Variants in WWOX observed in about 807,000 individuals in gnomAD.
WWOX encodes WW domain-containing oxidoreductase.
A neutral mutation model predicts 46.2 loss-of-function variants in WWOX; 69 were observed. That is an observed-to-expected ratio of 1.49 (90% CI 1.23 to 1.82). WWOX has a LOEUF of 1.82. WWOX is among the 40% of genes most tolerant of loss of function. The probability of loss-of-function intolerance (pLI) is 0.00; values close to 1 mark genes in which losing one functional copy is unlikely to be tolerated. For missense variants in WWOX, 919 were observed against 542.6 expected (o/e 1.69, Z -6.89); for synonymous variants, 359 against 202.6 (o/e 1.77, Z -6.56).
intron 8 of WWOX, among the ~76,000 whole-genome samples, chr16:79,123,701 C>T (rs1260576864): frequency 6.6e-6 from 1 of 152,120 alleles, no homozygotes; most frequent in East Asian, 1.9e-4. Context: ...CTTTACCTGT[C>T]AGCTGTAGGA....
At chr16:78,845,619 T>C (rs1457744338) in intron 8 of WWOX, among the ~76,000 whole-genome samples, 3 of 152,222 alleles carry the variant, frequency 2.0e-5, no homozygotes, top group Non-Finnish European at 2.9e-5. Flanking sequence ...CCATAATTTA[T>C]AGTCAGCCTC....
intron 8 of WWOX, among the ~76,000 whole-genome samples, chr16:79,190,091 C>G (rs1023819249): frequency 6.6e-6 from 1 of 151,594 alleles, no homozygotes; most frequent in East Asian, 1.9e-4. Flanking sequence ...GCGGTGTGAT[C>G]TCGGCTCACT....
intron 8 of WWOX, among the ~76,000 whole-genome samples, chr16:78,753,135 T>G (rs1389777804): frequency 6.6e-6 from 1 of 151,722 alleles, no homozygotes; most frequent in African/African-American, 2.4e-5. Context: ...TCTCTACTAA[T>G]AATACAAAAA....
chr16:78,409,116 A>T (rs912940427), intron 6 of WWOX, among the ~76,000 whole-genome samples: 1 of 151,680 alleles, frequency 6.6e-6, no homozygotes, highest in African/African-American at 2.4e-5. Context: ...GGTGTAGATT[A>T]TTCACAGATG....
In WWOX at chr16:79,211,982, G is replaced by A. The variant is rs1372789613; in HGVS notation, c.*186G>A. The A allele has an allele frequency of 4.6e-6, 7 of 1,536,056 alleles. No homozygotes were observed. The Admixed American group carries it at 7.8e-5, about 17-fold the overall frequency. ...GGAAGCAGGGAATTCCTGGGGTAAA[G>A]TATCACTTTTCTGGGGCTGGGCTAG... On this transcript the variant is annotated 3_prime_UTR_variant, in exon 9 of 9. Coordinates refer to ENST00000566780, the MANE Select transcript of WWOX (RefSeq NM_016373.4).
chr16:79,111,082 C>G (rs981399587), intron 8 of WWOX, among the ~76,000 whole-genome samples: 2 of 152,158 alleles, frequency 1.3e-5, no homozygotes, highest in Admixed American at 6.5e-5. Context: ...CAGAGAGTCA[C>G]AGATGCTTTC....
intron 8 of WWOX, among the ~76,000 whole-genome samples, chr16:79,001,489 A>G (rs1368605525): frequency 3.9e-5 from 6 of 152,190 alleles, no homozygotes; most frequent in African/African-American, 1.4e-4. Flanking sequence ...AGGCAATTAT[A>G]TAGTGTGTAA....
chr16:78,597,119 C>G lies in WWOX; in HGVS notation c.1056+164367C>G, dbSNP rs569062456. ...GCTAGTATCTTTGTGAAAACTGCTCCTGACCTATTGCTTTGTTTATTTTAG... is the reference window on the plus strand; with the variant it reads ...GCTAGTATCTTTGTGAAAACTGCTCGTGACCTATTGCTTTGTTTATTTTAG... On this transcript the variant is annotated intron_variant, in intron 8 of 8. Coordinates refer to ENST00000566780, the MANE Select transcript of WWOX (RefSeq NM_016373.4). Among the ~76,000 whole-genome samples the G allele has an allele frequency of 1.1e-4, 16 of 152,302 alleles. No homozygotes were observed. In the South Asian group the frequency reaches 2.1e-3, roughly 20 times the overall value.
intron 8 of WWOX, among the ~76,000 whole-genome samples, chr16:79,125,822 A>T (rs1270479737): frequency 6.6e-6 from 1 of 152,216 alleles, no homozygotes; most frequent in Admixed American, 6.5e-5. Flanking sequence ...GCTTTGAGCA[A>T]ACAATTAGCA....
At chr16:78,848,206 A>G (rs899582084) in intron 8 of WWOX, among the ~76,000 whole-genome samples, 1 of 152,216 alleles carries the variant, frequency 6.6e-6, no homozygotes, top group African/African-American at 2.4e-5. Flanking sequence ...CCAATGAATT[A>G]GAGTTGACAT....
chr16:78,581,627 T>C (rs2045056531), intron 8 of WWOX, among the ~76,000 whole-genome samples: 1 of 152,170 alleles, frequency 6.6e-6, no homozygotes, highest in Admixed American at 6.5e-5. Flanking sequence ...TCAAAGTCTC[T>C]TTCCCGTGGG....
intron 8 of WWOX, among the ~76,000 whole-genome samples, chr16:78,745,306 C>G (rs759950702): frequency 6.6e-6 from 1 of 152,166 alleles, no homozygotes; most frequent in Admixed American, 6.5e-5. Flanking sequence ...CCCCGCCTTC[C>G]TCCACCTCTG....
At chr16:78,404,794 A>G (rs183203503) in intron 6 of WWOX, among the ~76,000 whole-genome samples, 15 of 152,250 alleles carry the variant, frequency 9.9e-5, no homozygotes, top group African/African-American at 3.4e-4. Context: ...CTTAAAGTTG[A>G]TTGTCCATTT....
At chr16:78,534,099 C>G (rs908815767) in intron 8 of WWOX, among the ~76,000 whole-genome samples, 1 of 152,068 alleles carries the variant, frequency 6.6e-6, no homozygotes, top group Non-Finnish European at 1.5e-5. Flanking sequence ...ATCATTGAAT[C>G]CCTGAGTTAT....
At chr16:78,307,649 T>C (rs1284230430) in intron 5 of WWOX, among the ~76,000 whole-genome samples, 1 of 152,154 alleles carries the variant, frequency 6.6e-6, no homozygotes, top group Non-Finnish European at 1.5e-5. Context: ...GATAAGAGAA[T>C]AAATGTGTTG....
chr16:78,101,346 C>CGTTTTTTTTTTTTT (rs2031769164), intron 1 of WWOX, among the ~76,000 whole-genome samples: 1 of 66,822 alleles, frequency 1.5e-5, no homozygotes, highest in Non-Finnish European at 3.0e-5. Context: ...CGCTCCCGGC[C>CGTTTTTTTTTTTTT]TTTTTTTTTT....
chr16:78,874,657 C>T (rs1164735059), intron 8 of WWOX, among the ~76,000 whole-genome samples: 1 of 146,316 alleles, frequency 6.8e-6, no homozygotes, highest in African/African-American at 2.5e-5. Context: ...ACACCTTCAA[C>T]TGTGTCTGTG....
At chr16:78,666,659 C>G (rs868270726) in intron 8 of WWOX, among the ~76,000 whole-genome samples, 4 of 152,144 alleles carry the variant, frequency 2.6e-5, no homozygotes, top group Non-Finnish European at 5.9e-5. Context: ...GCAAGGTCAT[C>G]TTGGGAAGGG....
At chr16:78,287,172 A>G (rs1359179694) in intron 5 of WWOX, among the ~76,000 whole-genome samples, 1 of 152,280 alleles carries the variant, frequency 6.6e-6, no homozygotes, top group African/African-American at 2.4e-5. Flanking sequence ...ACAATAAAAT[A>G]AAATACATTT....
Sources: allele counts gnomAD v4.1 joint callset (sites outside exome capture counted in the v4.1 genomes callset), GRCh38; gene constraint gnomAD v4.1.1; transcripts MANE v1.5; gene names NCBI Gene and HGNC (gene_info 2026-07-23, HGNC 2026-07-21).